Variants in FILIP1 observed in about 807,000 individuals in gnomAD.
FILIP1 encodes filamin-A-interacting protein 1.
A neutral mutation model predicts 102.1 loss-of-function variants in FILIP1; 61 were observed. That is an observed-to-expected ratio of 0.60 (90% CI 0.49 to 0.74). The LOEUF is 0.74. Among genes scored for constraint, FILIP1 ranks in the 30% least tolerant of loss-of-function variants. The pLI is 0.00. For missense variants in FILIP1, 1,314 were observed against 1,441.2 expected, an observed-to-expected ratio of 0.91 and a Z score of 1.43; for synonymous variants, 491 against 526.9, an observed-to-expected ratio of 0.93 and a Z score of 0.93.
intron 2 of FILIP1, among the ~76,000 whole-genome samples, chr6:75,411,829 T>C (rs1777081634): frequency 6.6e-6 from 1 of 152,182 alleles, no homozygotes; most frequent in Admixed American, 6.5e-5. Context: ...GCTTGTAGTA[T>C]AGTTTGAAGT....
chr6:75,347,755 C>G lies in FILIP1; in HGVS notation c.629+5784G>C, dbSNP rs147452268. Among the ~76,000 whole-genome samples the G allele has an allele frequency of 6.0e-3, 914 of 152,224 alleles. 6 individuals are homozygous for G. The highest frequency in any genetic ancestry group is 0.021 in the African/African-American group (884 of 41,538). The stretch of plus-strand genomic sequence containing the variant: ...GACAGTATAATAGTGCAGACTGTCC[C>G]ATTATCCACCAGATATATGACCAAC... On this transcript the variant is annotated intron_variant, in intron 4 of 5. Coordinates refer to ENST00000237172, the MANE Select transcript of FILIP1 (RefSeq NM_015687.5).
chr6:75,442,625 G>A (rs962022985), intron 1 of FILIP1, among the ~76,000 whole-genome samples: 4 of 152,256 alleles, frequency 2.6e-5, no homozygotes, highest in African/African-American at 9.6e-5. Context: ...GTGGCAGCGC[G>A]CGCCTGCAAT....
intron 1 of FILIP1, among the ~76,000 whole-genome samples, chr6:75,442,492 C>A (rs1161998723): frequency 2.0e-5 from 3 of 152,232 alleles, no homozygotes; most frequent in Non-Finnish European, 4.4e-5. Flanking sequence ...CAGACTCCGT[C>A]TGCAATCCCG....
chr6:75,490,571 T>C (rs1779925473), intron 1 of FILIP1, among the ~76,000 whole-genome samples: 1 of 152,004 alleles, frequency 6.6e-6, no homozygotes. Flanking sequence ...AAATAGAACC[T>C]GGCACCAAAA....
intron 2 of FILIP1, chr6:75,399,283 T>C (rs1195352984): frequency 6.6e-6 from 1 of 152,204 alleles, no homozygotes; most frequent in Non-Finnish European, 1.5e-5. Context: ...AGAAAAGATA[T>C]TCCAAGTTTT....
chr6:75,391,839 T>C (rs537454324), intron 2 of FILIP1, among the ~76,000 whole-genome samples: 4 of 152,308 alleles, frequency 2.6e-5, no homozygotes, highest in South Asian at 4.1e-4. Context: ...ATTTAAAGAA[T>C]TGCCTATACA....
At chr6:75,330,164 T>G (rs1461773384) in intron 4 of FILIP1, among the ~76,000 whole-genome samples, 1 of 152,196 alleles carries the variant, frequency 6.6e-6, no homozygotes, top group Non-Finnish European at 1.5e-5. Context: ...AATAGTTCAT[T>G]AAAATATAGT....
chr6:75,306,341 A>C (rs1355334420), downstream of FILIP1, among the ~76,000 whole-genome samples: 1 of 152,208 alleles, frequency 6.6e-6, no homozygotes, highest in Non-Finnish European at 1.5e-5. Context: ...AAACACCATA[A>C]GCATGATGTG....
Position 75,354,339 on chromosome 6 carries a change from G to A in FILIP1, c.451-622C>T, listed in dbSNP as rs185211142. 6.6e-3 allele frequency among the ~76,000 whole-genome samples: 1,012 copies of A among 152,314 alleles called. 13 individuals carry two copies. The highest frequency in any genetic ancestry group is 0.023 in the African/African-American group (947 of 41,570). ...TGTAATCCCAGCACGTGGGGAGGCT[G>A]AGGCAGGCAGATCACGAGGTCAGGA... On this transcript the variant is annotated intron_variant, in intron 3 of 5. Coordinates refer to ENST00000237172, the MANE Select transcript of FILIP1 (RefSeq NM_015687.5).
At chr6:75,350,699 A>T (rs1307782338) in intron 4 of FILIP1, among the ~76,000 whole-genome samples, 1 of 152,232 alleles carries the variant, frequency 6.6e-6, no homozygotes, top group Non-Finnish European at 1.5e-5. Flanking sequence ...AGCCTGAATA[A>T]GTATGGTCAC....
chr6:75,487,120 C>A (rs1047676881), intron 1 of FILIP1, among the ~76,000 whole-genome samples: 1 of 152,112 alleles, frequency 6.6e-6, no homozygotes, highest in East Asian at 1.9e-4. Flanking sequence ...AAGGCCACTC[C>A]CTGATCCAAA....
intron 4 of FILIP1, among the ~76,000 whole-genome samples, chr6:75,322,573 G>C (rs1451805391): frequency 2.0e-5 from 3 of 152,216 alleles, no homozygotes; most frequent in Non-Finnish European, 4.4e-5. Context: ...TTTTCTGCAA[G>C]CATTTAGTCC....
chr6:75,486,002 C>T (rs940271687), intron 1 of FILIP1, among the ~76,000 whole-genome samples: 14 of 149,204 alleles, frequency 9.4e-5, no homozygotes, highest in East Asian at 2.0e-4. Flanking sequence ...CACACATACA[C>T]ACACACACAC....
At position 75,312,518 on chromosome 6, in the gene FILIP1, G is replaced by C; in HGVS notation, c.3314C>G (p.Thr1105Ser). Residue 1105 changes from threonine (T) to serine (S), a missense_variant, in exon 5 of 6, where the codon ACC becomes AGC. Thr to Ser is a moderately conservative substitution (Grantham distance 58, BLOSUM62 1). Coordinates refer to ENST00000237172, the MANE Select transcript of FILIP1 (RefSeq NM_015687.5). ...VNVTAEKEVS[T>S]GTVLRSPRNH... ...CCTGGGAGAGCGAAGGACAGTGCCGGTGGAAACCTCCTTTTCGGCTGTCAC... is the reference window on the plus strand; with the variant it reads ...CCTGGGAGAGCGAAGGACAGTGCCGCTGGAAACCTCCTTTTCGGCTGTCAC... 6.2e-7 allele frequency: 1 copy of C among 1,614,186 alleles called. No individual in the cohort carries two copies. Among genetic ancestry groups the C allele is most frequent in the Non-Finnish European group, 8.5e-7 (1 of 1,180,028 alleles).
Position 75,308,704 on chromosome 6 carries a change from C to A in FILIP1, c.3629G>T (p.Gly1210Val), listed in dbSNP as rs145901023. 7.4e-5 allele frequency: 120 copies of A among 1,613,014 alleles called. 1 individual carries two copies. The highest frequency in any genetic ancestry group is 3.1e-4 in the South Asian group (28 of 91,028). ...SAASSTTSLG[G>V]GKG ...TAGCCACTGCCCTCAGCCCTTCCCC[C>A]CTCCGAGAGAGGTGGTGCTGCTGGC... The change falls in exon 6 of 6, where the codon GGG becomes GTG. Residue 1210 changes from glycine to valine, a missense_variant. Transcript: ENST00000237172.
rs542122140 is a variant in FILIP1, at chr6:75,329,941, T to G, written c.630-14739A>C. On this transcript the variant is annotated intron_variant, in intron 4 of 5. Transcript: ENST00000237172. ...CAATGATCCAATTATAGAATGTTAC[T>G]TCTGAATAAATTACCTCATTTCCTC... Among the ~76,000 whole-genome samples the G allele has an allele frequency of 2.0e-5, 3 of 152,244 alleles. No individual in the cohort carries two copies. The South Asian group carries it at 6.2e-4, about 32-fold the overall frequency.
chr6:75,432,967 G>A (rs963646113), intron 1 of FILIP1, among the ~76,000 whole-genome samples: 3 of 152,086 alleles, frequency 2.0e-5, no homozygotes, highest in African/African-American at 7.2e-5. Context: ...TCCAAATGAT[G>A]GTTTCCAGCT....
chr6:75,456,157 T>C (rs1016416292), intron 1 of FILIP1, among the ~76,000 whole-genome samples: 2 of 152,180 alleles, frequency 1.3e-5, no homozygotes, highest in South Asian at 2.1e-4. Flanking sequence ...CAGGGAACAT[T>C]TGACAATGTC....
rs6930208 is a variant in FILIP1, at chr6:75,447,135, T to C, written c.-6-32157A>G. Among the ~76,000 whole-genome samples the C allele has an allele frequency of 8.0e-3, 1,224 of 152,238 alleles. 19 individuals carry two copies. The highest frequency in any genetic ancestry group is 0.028 in the African/African-American group (1,146 of 41,562). On this transcript the variant is annotated intron_variant, in intron 1 of 5. Coordinates refer to ENST00000237172, the MANE Select transcript of FILIP1 (RefSeq NM_015687.5). ...GGATGGTATGAACAACTCTACAAAC[T>C]TCTGTCGTATTAAAAACCTTTATAT... is the stretch of plus-strand genomic sequence containing the variant.
Sources: gnomAD v4.1 joint callset for allele counts (sites outside exome capture counted in the v4.1 genomes callset) on GRCh38, gnomAD v4.1.1 for gene constraint, MANE v1.5 for transcripts, NCBI Gene and HGNC (gene_info 2026-07-23, HGNC 2026-07-21) for gene names.